The following SMAD4 variants were observed in gnomAD, a reference collection of about 807,000 sequenced individuals.
The protein encoded by SMAD4 is MAD homolog 4.
In SMAD4, 7 loss-of-function variants were observed where a neutral mutation model predicts 63.2. The observed-to-expected ratio is 0.11, with a 90% CI of 0.06 to 0.21. The LOEUF is 0.21. Among genes scored for constraint, SMAD4 ranks in the 10% least tolerant of loss-of-function variants. The pLI, the probability that SMAD4 is intolerant of heterozygous loss-of-function variation, is 1.00. For synonymous variants in SMAD4, 215 were observed against 235.4 expected, an observed-to-expected ratio of 0.91 and a Z score of 0.79; for missense variants, 312 against 693.8, an observed-to-expected ratio of 0.45 and a Z score of 6.18.
At chr18:51,050,251 C>G (rs1307644824) in intron 4 of SMAD4, among the ~76,000 whole-genome samples, 2 of 151,418 alleles carry the variant, frequency 1.3e-5, no homozygotes, top group Non-Finnish European at 2.9e-5. Flanking sequence ...CCCAGCTACT[C>G]AGGAGGCTGA....
chr18:51,078,218 C>A (rs775556007), intron 11 of SMAD4, 38 bp from the exon 12 acceptor site: 3 of 1,506,896 alleles, frequency 2.0e-6, no homozygotes, highest in Non-Finnish European at 2.8e-6. Flanking sequence ...GAAGAGATCA[C>A]CCTGTCCCTC....
chr18:51,078,346 A>G lies in SMAD4; in HGVS notation c.1538A>G (p.Tyr513Cys). ...TTTGTGAAAGGCTGGGGACCGGATT[A>G]CCCAAGACAGAGCATCAAAGAAACA... is the stretch of plus-strand genomic sequence containing the variant. ...MSFVKGWGPD[Y>C]PRQSIKETPC... is the part of the protein sequence containing the mutation. Residue 513 changes from tyrosine to cysteine, a missense_variant, in exon 12 of 12, where the codon TAC (tyrosine) becomes TGC (cysteine). Coordinates refer to ENST00000342988, the MANE Select transcript of SMAD4 (RefSeq NM_005359.6). 6.2e-7 allele frequency: 1 copy of G among 1,614,170 alleles called. No individual in the cohort carries two copies. The highest frequency in any genetic ancestry group is 8.5e-7 in the Non-Finnish European group (1 of 1,180,016).
At chr18:51,060,026 A>G (rs1022912134) in intron 8 of SMAD4, 110 bp downstream of exon 8, 8 of 789,610 alleles carry the variant, frequency 1.0e-5, no homozygotes, top group Middle Eastern at 2.4e-4. Context: ...AGATGAGTAC[A>G]ATACTCATCA....
chr18:51,055,078 CAAGT>C lies in SMAD4; in HGVS notation c.667+92_667+95del. ...TGTGTAGTCACTTGGGGGGAAACTC[CAAGT>C]AAGTAAACATTAAAAGTAACTGTAG... is the stretch of plus-strand genomic sequence containing the variant. On this transcript the variant is annotated intron_variant, in intron 5 of 11. Coordinates refer to ENST00000342988, the MANE Select transcript of SMAD4 (RefSeq NM_005359.6). 3 of 977,062 alleles carry C rather than the reference CAAGT, an allele frequency of 3.1e-6. No individual in the cohort carries two copies. The South Asian group carries it at 3.8e-5, about 13-fold the overall frequency. 60.5% of individuals were successfully genotyped at this position (977,062 alleles called of 1,614,324 possible). A position where few individuals can be genotyped will look rare whatever the true frequency, so the allele number is the denominator to read the frequency against.
intron 7 of SMAD4, 113 bp from the exon 8 acceptor site, chr18:51,059,752 GT>G: frequency 1.2e-6 from 1 of 802,572 alleles, no homozygotes; most frequent in African/African-American, 1.7e-5. Context: ...GCATAAGCTT[GT>G]TTTAAACAAT....
At chr18:51,033,391 T>C (rs1054492671) in intron 1 of SMAD4, among the ~76,000 whole-genome samples, 2 of 152,224 alleles carry the variant, frequency 1.3e-5, no homozygotes, top group Non-Finnish European at 2.9e-5. Context: ...GGTTTCGCCA[T>C]GTTGGCCAGA....
intron 1 of SMAD4, among the ~76,000 whole-genome samples, chr18:51,031,602 A>G (rs1206251309): frequency 6.6e-6 from 1 of 152,170 alleles, no homozygotes; most frequent in African/African-American, 2.4e-5. Context: ...CAAACATATA[A>G]TCTTAGCTAA....
intron 11 of SMAD4, 37 bp from the exon 12 acceptor site, chr18:51,078,219 C>G (rs2144477693): frequency 1.3e-6 from 2 of 1,516,822 alleles, no homozygotes; most frequent in South Asian, 1.1e-5. Flanking sequence ...AAGAGATCAC[C>G]CTGTCCCTCT....
intron 5 of SMAD4, among the ~76,000 whole-genome samples, chr18:51,055,996 A>G (rs961207479): frequency 6.6e-6 from 1 of 152,180 alleles, no homozygotes; most frequent in African/African-American, 2.4e-5. Context: ...TCATTACACC[A>G]CTTCAAAGCA....
At position 51,030,424 on chromosome 18, in the gene SMAD4, G is replaced by C. The variant is rs1909001694; in HGVS notation, c.-327G>C. On this transcript the variant is annotated 5_prime_UTR_variant, in exon 1 of 12. Coordinates refer to ENST00000342988, the MANE Select transcript of SMAD4 (RefSeq NM_005359.6). Reference sequence around the variant, plus strand: ...AGGCGCCCAGCGAGAGAGGCCCCCCGCCGCAGGGCGGCCCGGGAGCTCGAG... The same window carrying C: ...AGGCGCCCAGCGAGAGAGGCCCCCCCCCGCAGGGCGGCCCGGGAGCTCGAG... 6.6e-6 allele frequency: 1 copy of C among 151,374 alleles called. No individual in the cohort carries two copies. Among genetic ancestry groups the C allele is most frequent in the South Asian group, 2.1e-4 (1 of 4,826 alleles). The allele number at this position is 151,374 out of a possible 1,614,324, so 9.4% of individuals were successfully genotyped here. A position where few individuals can be genotyped will look rare whatever the true frequency, so the allele number is the denominator to read the frequency against.
intron 10 of SMAD4, among the ~76,000 whole-genome samples, chr18:51,071,793 A>T (rs1024181403): frequency 6.6e-6 from 1 of 152,186 alleles, no homozygotes; most frequent in East Asian, 1.9e-4. Flanking sequence ...CTCCATTTCC[A>T]TTAGCTCTAG....
chr18:51,036,609 G>A (rs923628956), intron 1 of SMAD4, among the ~76,000 whole-genome samples: 1 of 152,178 alleles, frequency 6.6e-6, no homozygotes, highest in African/African-American at 2.4e-5. Context: ...AAGGAAAAAT[G>A]ATACAACTTC....
chr18:51,066,534 C>G (rs1910159409), intron 9 of SMAD4, among the ~76,000 whole-genome samples: 1 of 152,070 alleles, frequency 6.6e-6, no homozygotes, highest in African/African-American at 2.4e-5. Context: ...GCCATTCTGC[C>G]TAATAGAATT....
intron 1 of SMAD4, among the ~76,000 whole-genome samples, chr18:51,036,288 A>G (rs543099640): frequency 6.6e-6 from 1 of 152,304 alleles, no homozygotes; most frequent in South Asian, 2.1e-4. Flanking sequence ...GTTAATATGG[A>G]TGAATGTATG....
chr18:51,040,406 A>G (rs1909340392), intron 1 of SMAD4, among the ~76,000 whole-genome samples: 1 of 149,350 alleles, frequency 6.7e-6, no homozygotes, highest in Admixed American at 6.7e-5. Flanking sequence ...CCTGGGCCAC[A>G]GTGAAACTCT....
intron 4 of SMAD4, chr18:51,052,349 A>G (rs1487435737): frequency 5.2e-5 from 8 of 152,622 alleles, no homozygotes; most frequent in African/African-American, 1.9e-4. Context: ...ATAGGCAACT[A>G]GGAGGAGCCG....
At chr18:51,066,343 C>CA (rs112954430) in intron 9 of SMAD4, among the ~76,000 whole-genome samples, 731 of 65,444 alleles carry the variant, frequency 0.011, 4 homozygotes, top group African/African-American at 0.02. Context: ...GACTCCATTT[C>CA]AAAAAAAAAA....
At chr18:51,046,601 A>G (rs1035223867) in intron 1 of SMAD4, among the ~76,000 whole-genome samples, 2 of 152,056 alleles carry the variant, frequency 1.3e-5, no homozygotes, top group Non-Finnish European at 2.9e-5. Flanking sequence ...AGTGCTGGTA[A>G]GATTTTCCTT....
At position 51,047,349 on chromosome 18, in the gene SMAD4, T is replaced by TG. The variant is rs1909575418; in HGVS notation, c.249+55dup. The TG allele has an allele frequency of 6.5e-6, 10 of 1,542,100 alleles. No individual in the cohort carries two copies. The South Asian group carries it at 1.1e-4, about 17-fold the overall frequency. On this transcript the variant is annotated intron_variant, in intron 2 of 11. Transcript: ENST00000342988. ...CTCTATGGTGGCAGATTTAAAAACT[T>TG]GCTACGTTTCCTTTCAAGCTACTAC...
Sources: allele counts gnomAD v4.1 joint callset (sites outside exome capture counted in the v4.1 genomes callset), GRCh38; gene constraint gnomAD v4.1.1; transcripts MANE v1.5; gene names NCBI Gene and HGNC (gene_info 2026-07-23, HGNC 2026-07-21).